The following CAPN2 variants were observed in gnomAD, a reference collection of about 807,000 sequenced individuals.
CAPN2 encodes the protein calpain 2.
A neutral mutation model predicts 102.3 loss-of-function variants in CAPN2; 92 were observed. The ratio of observed to expected loss-of-function variants is 0.90; its 90% confidence interval spans 0.76 to 1.07. CAPN2 has a LOEUF of 1.07. CAPN2 is among the 50% of genes least tolerant of loss of function. The probability of loss-of-function intolerance (pLI) is 0.00; values close to 1 mark genes in which losing one functional copy is unlikely to be tolerated. For synonymous variants in CAPN2, 340 were observed against 355.4 expected (o/e 0.96, Z 0.49); for missense variants, 800 against 909.4 (o/e 0.88, Z 1.55).
At chr1:223,750,762 C>T (rs1182794416) in intron 6 of CAPN2, 128 bp from the exon 7 acceptor site, 7 of 822,700 alleles carry the variant, frequency 8.5e-6, no homozygotes, top group African/African-American at 8.5e-5. Context: ...GGACTCAACC[C>T]CCAAATCCTC....
rs1571811472 is a variant in CAPN2 at position 223,756,662 on chromosome 1, ACT to A, written c.1306-706_1306-705del. ...CAACGTTGCCACCCATGGAACACTGACTTCTACCTGCTCACCCACCTGAGAAA... is the reference window on the plus strand; with the variant it reads ...CAACGTTGCCACCCATGGAACACTGATCTACCTGCTCACCCACCTGAGAAA... On this transcript the variant is annotated intron_variant, in intron 10 of 20. Transcript: ENST00000295006. This position sits in a 1 kb window ranked among gnomAD's most constrained non-coding sequence, Gnocchi z 4.1. Among the ~76,000 whole-genome samples the A allele has an allele frequency of 6.6e-6, 1 of 152,140 alleles. No individual in the cohort carries two copies. Among genetic ancestry groups the A allele is most frequent in the East Asian group, 1.9e-4 (1 of 5,188 alleles).
chr1:223,761,736 C>T, intron 13 of CAPN2, 119 bp downstream of exon 13: 1 of 826,900 alleles, frequency 1.2e-6, no homozygotes, highest in East Asian at 2.5e-5. Flanking sequence ...AAGGATAAAG[C>T]CGGGTACTGG....
intron 1 of CAPN2, among the ~76,000 whole-genome samples, chr1:223,705,065 C>T (rs1421778451): frequency 6.6e-6 from 1 of 152,222 alleles, no homozygotes; most frequent in Non-Finnish European, 1.5e-5. Context: ...TCAGGGGAGG[C>T]TTCCTGCCCC....
rs28370178 is a variant in CAPN2 at position 223,775,217 on chromosome 1, A to C, written c.*360A>C. 931 of 204,836 alleles carry C rather than the reference A, an allele frequency of 4.5e-3. 40 individuals carry two copies. The East Asian group carries it at 0.092, about 20-fold the overall frequency. 12.7% of individuals were successfully genotyped at this position (204,836 alleles called of 1,614,324 possible). Reference sequence around the variant, plus strand: ...GGAGGTATTTAACAGCTGAGCAAAAACATTGAGTCGCTCTCAAAGGACACG... The same window carrying C: ...GGAGGTATTTAACAGCTGAGCAAAACCATTGAGTCGCTCTCAAAGGACACG... On this transcript the variant is annotated 3_prime_UTR_variant, in exon 21 of 21. Coordinates refer to ENST00000295006, the MANE Select transcript of CAPN2 (RefSeq NM_001748.5).
rs896856244 is a variant in CAPN2 at position 223,729,094 on chromosome 1, A to C, written c.307+11263A>C. Among the ~76,000 whole-genome samples the C allele has an allele frequency of 1.3e-5, 2 of 152,176 alleles. 1 individual carries two copies. Among genetic ancestry groups the C allele is most frequent in the South Asian group, 4.1e-4 (2 of 4,830 alleles). On this transcript the variant is annotated intron_variant, in intron 2 of 20. Transcript: ENST00000295006. Reference sequence around the variant, plus strand: ...CCCCCATTACTCCAAGGCGGGCCTCAGTTCTCACCTGGAGTCTGGCTCAGG... The same window carrying C: ...CCCCCATTACTCCAAGGCGGGCCTCCGTTCTCACCTGGAGTCTGGCTCAGG...
At chr1:223,718,553 T>G (rs1002021230) in intron 2 of CAPN2, among the ~76,000 whole-genome samples, 1 of 152,244 alleles carries the variant, frequency 6.6e-6, no homozygotes, top group African/African-American at 2.4e-5. Context: ...CTGGCGCTGT[T>G]ATCTAAGATT....
At chr1:223,722,078 T>C (rs1335910396) in intron 2 of CAPN2, among the ~76,000 whole-genome samples, 1 of 151,990 alleles carries the variant, frequency 6.6e-6, no homozygotes, top group Non-Finnish European at 1.5e-5. Context: ...TTTCATAATC[T>C]AAGGGTGGAA....
At chr1:223,738,754 G>C (rs1251200074) in intron 2 of CAPN2, among the ~76,000 whole-genome samples, 1 of 152,256 alleles carries the variant, frequency 6.6e-6, no homozygotes, top group African/African-American at 2.4e-5. Context: ...GAGGAAGCGT[G>C]GCTGAGTCCT....
At chr1:223,723,226 A>G (rs1395010634) in intron 2 of CAPN2, among the ~76,000 whole-genome samples, 1 of 152,142 alleles carries the variant, frequency 6.6e-6, no homozygotes, top group African/African-American at 2.4e-5. Flanking sequence ...AAGCAGGAGG[A>G]TCACTTGAGC....
At chr1:223,773,858 G>GA (rs1263579630) in intron 20 of CAPN2, among the ~76,000 whole-genome samples, 4 of 151,514 alleles carry the variant, frequency 2.6e-5, no homozygotes, top group South Asian at 2.1e-4. Flanking sequence ...CCCTGTCTCA[G>GA]AAAAAAATAA....
Position 223,717,810 on chromosome 1 carries a change from G to T in CAPN2, c.286G>T (p.Asp96Tyr), listed in dbSNP as rs761239967. The T allele has an allele frequency of 3.7e-6, 6 of 1,614,088 alleles. No individual in the cohort carries two copies. Among genetic ancestry groups the T allele is most frequent in the Middle Eastern group, 1.6e-4 (1 of 6,062 alleles). Residue 96 changes from aspartate to tyrosine, a missense_variant, in exon 2 of 21, where the codon GAC becomes TAC. Physicochemically the swap from Asp to Tyr is radical, Grantham distance 160. Transcript: ENST00000295006. Reference protein sequence around the residue: ...QFIIGGATRTDICQGALGDCW... With the variant: ...QFIIGGATRTYICQGALGDCW... ...TATCATTGGAGGAGCCACCCGCACA[G>T]ACATCTGCCAAGGAGCCCTGGGTAA...
In CAPN2 at chr1:223,759,449, C is replaced by T. The variant is rs746936966; in HGVS notation, c.1497C>T (p.Ile499=). The change falls in exon 12 of 21, where the codon ATC becomes ATT. Residue 499 remains isoleucine, a synonymous_variant. Transcript: ENST00000295006. The surrounding 1 kb of genome is among the most constrained non-coding windows in gnomAD (Gnocchi z 4.6). ...CCAACAAGGATGGGGATTTCTGCAT[C>T]CGGGTCTTTTCTGAAAAGAAAGCTG... ...FEPNKDGDFC[I]RVFSEKKADY... The T allele has an allele frequency of 6.2e-6, 10 of 1,614,004 alleles. No individual in the cohort carries two copies. Among genetic ancestry groups the T allele is most frequent in the South Asian group, 1.1e-5 (1 of 91,072 alleles).
intron 5 of CAPN2, among the ~76,000 whole-genome samples, chr1:223,748,319 T>A (rs1252362264): frequency 1.3e-5 from 2 of 152,172 alleles, no homozygotes; most frequent in Non-Finnish European, 2.9e-5. Context: ...TAAGAAGCCC[T>A]GGCTTTTGGA....
In CAPN2 at chr1:223,741,435, A is replaced by ATATATATAT. The variant is rs1382515776; in HGVS notation, c.308-2665_308-2664insTATATATAT. ...GGCTGTAAAATGTATATATATATAT[A>ATATATATAT]ATGTGTATATATATATATATATATA... On this transcript the variant is annotated intron_variant, in intron 2 of 20. Transcript: ENST00000295006. Among the ~76,000 whole-genome samples, 256 of 40,436 alleles carry ATATATATAT rather than the reference A, an allele frequency of 6.3e-3. 10 individuals carry two copies. Among genetic ancestry groups the ATATATATAT allele is most frequent in the African/African-American group, 0.037 (235 of 6,306 alleles). The allele number at this position is 40,436 out of a possible 152,430, so 26.5% of individuals were successfully genotyped here.
chr1:223,748,844 G>T (rs937344752), intron 5 of CAPN2, among the ~76,000 whole-genome samples, 195 bp from the exon 6 acceptor site: 8 of 152,356 alleles, frequency 5.3e-5, no homozygotes, highest in African/African-American at 1.9e-4. Flanking sequence ...GGTATTCTCG[G>T]CGTTCAAGCA....
rs1439319519 is a variant in CAPN2 at position 223,725,108 on chromosome 1, A to G, written c.307+7277A>G. ...GCTCTGTCATTTTGAGTGGATCACTATCCTCTTCACACCTCAGTTTCCTCA... is the reference window on the plus strand; with the variant it reads ...GCTCTGTCATTTTGAGTGGATCACTGTCCTCTTCACACCTCAGTTTCCTCA... On this transcript the variant is annotated intron_variant, in intron 2 of 20. Coordinates refer to ENST00000295006, the MANE Select transcript of CAPN2 (RefSeq NM_001748.5). This position sits in a 1 kb window ranked among gnomAD's most constrained non-coding sequence, Gnocchi z 4.1. 6.6e-6 allele frequency among the ~76,000 whole-genome samples: 1 copy of G among 152,334 alleles called. No homozygotes were observed. The highest frequency in any genetic ancestry group is 3.4e-3 in the Middle Eastern group (1 of 294).
rs886965009 is a variant in CAPN2, at chr1:223,727,255, G to A, written c.307+9424G>A. Among the ~76,000 whole-genome samples, 3 of 152,222 alleles carry A rather than the reference G, an allele frequency of 2.0e-5. No homozygotes were observed. Among genetic ancestry groups the A allele is most frequent in the South Asian group, 2.1e-4 (1 of 4,830 alleles). ...AACAAAAGGTCTAAAGAAATATAACGCAAAACAGGTACGATTTGAGATCCA... is the reference window on the plus strand; with the variant it reads ...AACAAAAGGTCTAAAGAAATATAACACAAAACAGGTACGATTTGAGATCCA... On this transcript the variant is annotated intron_variant, in intron 2 of 20. Transcript: ENST00000295006. This position sits in a 1 kb window ranked among gnomAD's most constrained non-coding sequence, Gnocchi z 4.1.
rs925381219 is a variant in CAPN2, at chr1:223,725,376, T to G, written c.307+7545T>G. 5.3e-5 allele frequency among the ~76,000 whole-genome samples: 8 copies of G among 150,998 alleles called. No homozygotes were observed. The highest frequency in any genetic ancestry group is 1.3e-4 in the Admixed American group (2 of 15,220). On this transcript the variant is annotated intron_variant, in intron 2 of 20. Transcript: ENST00000295006. The surrounding 1 kb of genome is among the most constrained non-coding windows in gnomAD (Gnocchi z 4.1). Reference sequence around the variant, plus strand: ...CCATCCTGGGCAATAGAGCGAGACTTCATCTCAAAAAAAAAAAAATTGTGT... The same window carrying G: ...CCATCCTGGGCAATAGAGCGAGACTGCATCTCAAAAAAAAAAAAATTGTGT...
In CAPN2 at chr1:223,772,178, C is replaced by CAGAG. The variant is rs779096703; in HGVS notation, c.2021-1_2023dup. 34 of 1,613,914 alleles carry CAGAG rather than the reference C, an allele frequency of 2.1e-5. 1 individual carries two copies. In the South Asian group the frequency reaches 3.6e-4, roughly 17 times the overall value. ...GTGACACCCTCTTTTTCTCCCTCCA[C>CAGAG]AGAGATATTTAAGCAGCTGGATCCC... On this transcript the variant is annotated splice_region_variant and splice_polypyrimidine_tract_variant and intron_variant, in intron 19 of 20. Transcript: ENST00000295006.
Sources: gnomAD v4.1 joint callset for allele counts (sites outside exome capture counted in the v4.1 genomes callset) on GRCh38, gnomAD v4.1.1 for gene constraint, Gnocchi (gnomAD v3.1) non-coding constraint, MANE v1.5 for transcripts, NCBI Gene and HGNC (gene_info 2026-07-23, HGNC 2026-07-21) for gene names.